The following MYLK variants were observed in gnomAD, a reference collection of about 807,000 sequenced individuals.
MYLK encodes myosin light chain kinase, smooth muscle.
A neutral mutation model predicts 203.4 loss-of-function variants in MYLK; 106 were observed. The observed-to-expected ratio is 0.52, with a 90% CI of 0.45 to 0.61. The LOEUF (loss-of-function observed/expected upper bound fraction) is 0.61. Among genes scored for constraint, MYLK ranks in the 20% least tolerant of loss-of-function variants. The pLI is 0.00. For synonymous variants in MYLK, 867 were observed against 959.5 expected, an observed-to-expected ratio of 0.90 and a Z score of 1.78; for missense variants, 2,072 against 2,442.3, an observed-to-expected ratio of 0.85 and a Z score of 3.20.
intron 24 of MYLK, among the ~76,000 whole-genome samples, chr3:123,653,772 G>C (rs2059294637): frequency 6.6e-6 from 1 of 152,158 alleles, no homozygotes; most frequent in African/African-American, 2.4e-5. Flanking sequence ...CTGCTGCCTG[G>C]GGTTAGTCGG....
At chr3:123,748,919 A>G (rs753409586) in intron 5 of MYLK, among the ~76,000 whole-genome samples, 1 of 152,052 alleles carries the variant, frequency 6.6e-6, no homozygotes, top group African/African-American at 2.4e-5. Context: ...AAGTACAAAA[A>G]TTAGCCGGGC....
At position 123,612,598 on chromosome 3, in the gene MYLK, G is replaced by T. The variant is rs2057275886; in HGVS notation, c.*1507C>A. Reference sequence around the variant, plus strand: ...TACTGTGGCTATCATGAAAAATATTGTAACTATTTTAAAAGCAAAAGGAAA... The same window carrying T: ...TACTGTGGCTATCATGAAAAATATTTTAACTATTTTAAAAGCAAAAGGAAA... On this transcript the variant is annotated 3_prime_UTR_variant, in exon 34 of 34. Coordinates refer to ENST00000360304, the MANE Select transcript of MYLK (RefSeq NM_053025.4). 6.6e-6 allele frequency: 1 copy of T among 152,234 alleles called. No individual in the cohort carries two copies. Among genetic ancestry groups the T allele is most frequent in the South Asian group, 2.1e-4 (1 of 4,828 alleles). The allele number at this position is 152,234 out of a possible 1,614,324, so 9.4% of individuals were successfully genotyped here.
At chr3:123,748,343 T>C (rs2063084376) in intron 5 of MYLK, among the ~76,000 whole-genome samples, 1 of 152,222 alleles carries the variant, frequency 6.6e-6, no homozygotes, top group Admixed American at 6.5e-5. Flanking sequence ...CCTCCAACCT[T>C]GGAAATCACG....
rs369537401 is a variant in MYLK at position 123,752,538 on chromosome 3, C to A, written c.166G>T (p.Val56Phe). ...ACCTGGGGCTCTGGGTAACCCCGGA[C>A]CTTCAAGAAAAAGAAGAAAGGGTAA... ...EGATAKFEGR[V>F]RGYPEPQVTW... The change falls in exon 5 of 34, where the codon GTC (valine) becomes TTC (phenylalanine). Residue 56 changes from valine (V) to phenylalanine (F), a missense_variant and splice_region_variant. By Grantham distance (50) the Val-to-Phe change is conservative. Transcript: ENST00000360304. 26 of 1,612,038 alleles carry A rather than the reference C, an allele frequency of 1.6e-5. No individual in the cohort carries two copies. Among genetic ancestry groups the A allele is most frequent in the African/African-American group, 2.7e-5 (2 of 74,844 alleles).
chr3:123,849,708 C>T (rs1463861333), intron 2 of MYLK, among the ~76,000 whole-genome samples: 1 of 152,000 alleles, frequency 6.6e-6, no homozygotes, highest in African/African-American at 2.4e-5. Flanking sequence ...CTTGCAGTAA[C>T]TTAAGAGATT....
chr3:123,781,125 G>T (rs940193249), intron 4 of MYLK, among the ~76,000 whole-genome samples: 1 of 152,264 alleles, frequency 6.6e-6, no homozygotes, highest in African/African-American at 2.4e-5. Context: ...CAACTGGGAA[G>T]AGTGCTGGTC....
intron 4 of MYLK, among the ~76,000 whole-genome samples, chr3:123,758,076 T>G (rs2063416364): frequency 6.6e-6 from 1 of 151,540 alleles, no homozygotes; most frequent in South Asian, 2.1e-4. Flanking sequence ...AAGGAAAACA[T>G]TAACACCCCA....
At chr3:123,737,571 CAT>C (rs781451993) in intron 7 of MYLK, 28 bp from the exon 8 acceptor site, 3 of 1,613,724 alleles carry the variant, frequency 1.9e-6, no homozygotes, top group Non-Finnish European at 2.5e-6. Flanking sequence ...GTAACTTGGT[CAT>C]ACAAATCTGC....
intron 3 of MYLK, among the ~76,000 whole-genome samples, chr3:123,823,348 G>A (rs187357638): frequency 3.1e-4 from 47 of 152,126 alleles, no homozygotes; most frequent in Admixed American, 2.7e-3. Flanking sequence ...TCCAGATCTC[G>A]ACTGGCTTAT....
chr3:123,684,837 T>C (rs1275512297), intron 19 of MYLK, among the ~76,000 whole-genome samples: 2 of 152,220 alleles, frequency 1.3e-5, no homozygotes, highest in African/African-American at 4.8e-5. Context: ...CACCCGGCCC[T>C]TCTTAAGGAA....
chr3:123,727,943 G>A (rs1382418479), intron 11 of MYLK, among the ~76,000 whole-genome samples: 1 of 152,098 alleles, frequency 6.6e-6, no homozygotes, highest in Non-Finnish European at 1.5e-5. Flanking sequence ...TATGTAGGAG[G>A]AGCTAAAAGA....
chr3:123,611,158 T>C lies in MYLK; in HGVS notation c.*2947A>G, dbSNP rs962438877. On this transcript the variant is annotated 3_prime_UTR_variant, in exon 34 of 34. Transcript: ENST00000360304. The stretch of plus-strand genomic sequence containing the variant: ...TATTTATTAACTGGACAATGGATTG[T>C]TTCTTTCCAGACTACATCAAAGAAT... 2.0e-5 allele frequency: 3 copies of C among 152,224 alleles called. No homozygotes were observed. Among genetic ancestry groups the C allele is most frequent in the African/African-American group, 7.2e-5 (3 of 41,456 alleles). The allele number at this position is 152,224 out of a possible 1,614,324, so 9.4% of individuals were successfully genotyped here.
chr3:123,686,508 C>A (rs1244346578), intron 19 of MYLK, among the ~76,000 whole-genome samples: 2 of 152,084 alleles, frequency 1.3e-5, no homozygotes, highest in Non-Finnish European at 2.9e-5. Context: ...AGGGGCTGGG[C>A]TCCAGCCTCT....
intron 5 of MYLK, among the ~76,000 whole-genome samples, chr3:123,748,421 T>C (rs937830982): frequency 6.6e-6 from 1 of 152,220 alleles, no homozygotes; most frequent in Admixed American, 6.5e-5. Flanking sequence ...CATGTGGCTT[T>C]CTCTTTTTGT....
rs770083217 is a variant in MYLK at position 123,707,743 on chromosome 3, T to C, written c.2390+11A>G. ...AGGGTTAAGGGAGGCTGGCTGGACA[T>C]GCAGACTCACTTGAGCAGGATCTCA... On this transcript the variant is annotated intron_variant, in intron 16 of 33. Transcript: ENST00000360304. 2 of 1,614,006 alleles carry C rather than the reference T, an allele frequency of 1.2e-6. No homozygotes were observed. Among genetic ancestry groups the C allele is most frequent in the Non-Finnish European group, 8.5e-7 (1 of 1,180,046 alleles).
intron 17 of MYLK, among the ~76,000 whole-genome samples, 157 bp from the exon 18 acceptor site, chr3:123,701,162 T>C (rs1031107405): frequency 8.9e-5 from 13 of 146,786 alleles, no homozygotes; most frequent in Non-Finnish European, 1.6e-4. Flanking sequence ...GATGGGAACA[T>C]TGGTGAGAGG....
At position 123,723,131 on chromosome 3, in the gene MYLK, T is replaced by C. The variant is rs549285624; in HGVS notation, c.1652-851A>G. 6.0e-4 allele frequency among the ~76,000 whole-genome samples: 92 copies of C among 152,258 alleles called. No individual in the cohort carries two copies. In the South Asian group the frequency reaches 7.3e-3, roughly 12 times the overall value. On this transcript the variant is annotated intron_variant, in intron 12 of 33. Coordinates refer to ENST00000360304, the MANE Select transcript of MYLK (RefSeq NM_053025.4). ...AGCAGGAATGTGTCCAGCTGCCATA[T>C]AGGAAGCAACTGTCAGTTTCTTCCC...
chr3:123,733,893 C>A lies in MYLK; in HGVS notation c.1103G>T (p.Gly368Val). The stretch of plus-strand genomic sequence containing the variant: ...AGGAGCTGGCCTCTTCCTCTCTTCT[C>A]CAGAAGGTGATAGGACCCCCAGGCC... ...APGLGVLSPS[G>V]EERKRPAPPR... is the part of the protein sequence containing the mutation. Residue 368 changes from glycine (G) to valine (V), a missense_variant, in exon 10 of 34, where the codon GGA becomes GTA. Physicochemically the swap from Gly to Val is moderately radical, Grantham distance 109. This residue lies in a region of MYLK where 683 missense variants were observed against 643.8 expected (regional missense o/e 1.06). Transcript: ENST00000360304. The A allele has an allele frequency of 6.2e-7, 1 of 1,614,142 alleles. No homozygotes were observed. Among genetic ancestry groups the A allele is most frequent in the Non-Finnish European group, 8.5e-7 (1 of 1,180,046 alleles).
chr3:123,780,612 T>G (rs2064259021), intron 4 of MYLK, among the ~76,000 whole-genome samples: 1 of 152,278 alleles, frequency 6.6e-6, no homozygotes, highest in Non-Finnish European at 1.5e-5. Flanking sequence ...AGAACTGCCC[T>G]CCTTCCAGAT....
Sources: allele counts gnomAD v4.1 joint callset (sites outside exome capture counted in the v4.1 genomes callset), GRCh38; gene constraint gnomAD v4.1.1; regional missense constraint gnomAD v4.1.1; transcripts MANE v1.5; gene names NCBI Gene and HGNC (gene_info 2026-07-23, HGNC 2026-07-21).